RAB3C: variants seen among roughly 807,000 people sequenced by gnomAD.
RAB3C encodes ras-related protein Rab-3C.
In RAB3C, 17 loss-of-function variants were observed where a neutral mutation model predicts 26.4. That is an observed-to-expected ratio of 0.64 (90% confidence interval 0.44 to 0.97). RAB3C has a LOEUF of 0.97. Among genes scored for constraint, RAB3C ranks in the 50% least tolerant of loss-of-function variants. The pLI is 0.00. For missense variants in RAB3C, 242 were observed against 281.9 expected (o/e 0.86, Z 1.01); for synonymous variants, 91 against 95.9 (o/e 0.95, Z 0.30).
Position 58,583,125 on chromosome 5 carries a change from G to T in RAB3C, c.-84G>T. ...GAACCCCAAGAGTGCAGAGTGTGGA[G>T]CGTGGAGCGCCGGGACTGTGCACGC... On this transcript the variant is annotated 5_prime_UTR_variant, in exon 1 of 5. Transcript: ENST00000282878. 6.2e-7 allele frequency: 1 copy of T among 1,607,304 alleles called. No homozygotes were observed. Among genetic ancestry groups the T allele is most frequent in the South Asian group, 1.1e-5 (1 of 90,236 alleles).
Position 58,656,408 on chromosome 5 carries a change from G to A in RAB3C, c.252+38538G>A, listed in dbSNP as rs138553949. On this transcript the variant is annotated intron_variant, in intron 2 of 4. Transcript: ENST00000282878. ...ACAAAAAATAAGTATGTGAGGTGAT[G>A]GATATGTTAATTATCTTGAATTAAC... is the stretch of plus-strand genomic sequence containing the variant. Among the ~76,000 whole-genome samples the A allele has an allele frequency of 7.6e-3, 1,156 of 152,170 alleles. 3 individuals carry two copies. The highest frequency in any genetic ancestry group is 0.012 in the Non-Finnish European group (787 of 68,004).
intron 2 of RAB3C, among the ~76,000 whole-genome samples, chr5:58,633,526 C>T (rs1468605822): frequency 6.6e-6 from 1 of 152,064 alleles, no homozygotes; most frequent in Non-Finnish European, 1.5e-5. Flanking sequence ...ACATTCTCTC[C>T]AGGTAGAGAA....
chr5:58,754,607 C>T (rs938367894), intron 3 of RAB3C, among the ~76,000 whole-genome samples: 3 of 152,132 alleles, frequency 2.0e-5, no homozygotes, highest in South Asian at 4.1e-4. Flanking sequence ...ACCCAGTTAC[C>T]GCAGACCAAG....
chr5:58,690,833 T>C (rs1748556624), intron 2 of RAB3C, among the ~76,000 whole-genome samples: 1 of 152,188 alleles, frequency 6.6e-6, no homozygotes, highest in South Asian at 2.1e-4. Flanking sequence ...ATCATTAATA[T>C]TTCTTATTAC....
chr5:58,710,959 A>G (rs1356639438), intron 2 of RAB3C, among the ~76,000 whole-genome samples: 1 of 152,198 alleles, frequency 6.6e-6, no homozygotes, highest in Non-Finnish European at 1.5e-5. Flanking sequence ...ATCTGCTTTA[A>G]TCTTGGAACA....
intron 2 of RAB3C, among the ~76,000 whole-genome samples, chr5:58,646,349 C>T (rs1747518608): frequency 6.6e-6 from 1 of 151,960 alleles, no homozygotes; most frequent in Non-Finnish European, 1.5e-5. Context: ...GTGCCTGACA[C>T]ACTAAGCATT....
At chr5:58,604,627 A>T (rs1472778896) in intron 1 of RAB3C, among the ~76,000 whole-genome samples, 1 of 152,142 alleles carries the variant, frequency 6.6e-6, no homozygotes, top group Non-Finnish European at 1.5e-5. Flanking sequence ...TCCTGTGCAA[A>T]CTGAAGGGCT....
At chr5:58,699,791 C>T (rs1748802941) in intron 2 of RAB3C, among the ~76,000 whole-genome samples, 1 of 152,238 alleles carries the variant, frequency 6.6e-6, no homozygotes, top group African/African-American at 2.4e-5. Context: ...GAGAGAATCA[C>T]CTTGTCTGCC....
At chr5:58,721,090 G>A (rs1740742561) in intron 2 of RAB3C, among the ~76,000 whole-genome samples, 1 of 151,680 alleles carries the variant, frequency 6.6e-6, no homozygotes. Context: ...AAAGTTTTAA[G>A]CTACTACTTA....
chr5:58,642,709 A>G (rs1747434177), intron 2 of RAB3C, among the ~76,000 whole-genome samples: 1 of 152,220 alleles, frequency 6.6e-6, no homozygotes, highest in Admixed American at 6.5e-5. Flanking sequence ...TTAAAGTCAT[A>G]TATGTATTTC....
chr5:58,704,194 C>A (rs1748901248), intron 2 of RAB3C, among the ~76,000 whole-genome samples: 1 of 152,164 alleles, frequency 6.6e-6, no homozygotes, highest in Non-Finnish European at 1.5e-5. Context: ...TATTTACTTT[C>A]TAATGACAAA....
intron 2 of RAB3C, among the ~76,000 whole-genome samples, chr5:58,714,085 A>G (rs1246656372): frequency 6.6e-6 from 1 of 152,218 alleles, no homozygotes; most frequent in African/African-American, 2.4e-5. Flanking sequence ...GTAGCTTCAG[A>G]GTAATGATAG....
chr5:58,801,078 G>T (rs139162641), intron 3 of RAB3C, among the ~76,000 whole-genome samples: 1 of 152,152 alleles, frequency 6.6e-6, no homozygotes, highest in Non-Finnish European at 1.5e-5. Context: ...GAAATATTAC[G>T]CTCTTCATGA....
intron 3 of RAB3C, among the ~76,000 whole-genome samples, chr5:58,764,034 A>C (rs907115667): frequency 1.8e-4 from 28 of 152,168 alleles, no homozygotes; most frequent in Non-Finnish European, 3.8e-4. Flanking sequence ...TATTTTCTTT[A>C]AAAAATAGAA....
In RAB3C at chr5:58,856,973, T is replaced by A. The variant is rs1193623622; in HGVS notation, c.*5622T>A. On this transcript the variant is annotated 3_prime_UTR_variant, in exon 5 of 5. Transcript: ENST00000282878. ...ATGTGATACCGTTAGACTGTCCAAA[T>A]GTACAACAATTTAATGGTGTTTGTA... 2 of 152,206 alleles carry A rather than the reference T, an allele frequency of 1.3e-5. No homozygotes were observed. 9.4% of individuals were successfully genotyped at this position (152,206 alleles called of 1,614,324 possible).
intron 3 of RAB3C, among the ~76,000 whole-genome samples, chr5:58,726,804 C>T (rs746669046): frequency 3.9e-4 from 60 of 151,918 alleles, no homozygotes; most frequent in East Asian, 5.8e-4. Flanking sequence ...TGAGTGTTTA[C>T]GGTGGGGGGT....
chr5:58,721,884 G>A (rs1160811984), intron 2 of RAB3C, among the ~76,000 whole-genome samples: 1 of 151,640 alleles, frequency 6.6e-6, no homozygotes, highest in African/African-American at 2.4e-5. Context: ...TCAGAATGAT[G>A]TTGAAGATCC....
intron 3 of RAB3C, chr5:58,784,896 CCTTATGG>C (rs745965501): frequency 1.2e-4 from 18 of 152,330 alleles, no homozygotes; most frequent in Non-Finnish European, 5.9e-5. Context: ...AGCATTGTCT[CCTTATGG>C]CTTATCCATG....
Position 58,853,910 on chromosome 5 carries a change from T to G in RAB3C, c.*2559T>G, listed in dbSNP as rs1163126707. 1 of 152,026 alleles carries G rather than the reference T, an allele frequency of 6.6e-6. No homozygotes were observed. The highest frequency in any genetic ancestry group is 1.5e-5 in the Non-Finnish European group (1 of 67,998). The allele number at this position is 152,026 out of a possible 1,614,324, so 9.4% of individuals were successfully genotyped here. ...TGTAATTGCATCAAAAAATCCGGGT[T>G]TTAACATCAAATTTGGCAAATGGTG... On this transcript the variant is annotated 3_prime_UTR_variant, in exon 5 of 5. Transcript: ENST00000282878.
Sources: allele counts gnomAD v4.1 joint callset (sites outside exome capture counted in the v4.1 genomes callset), GRCh38; gene constraint gnomAD v4.1.1; transcripts MANE v1.5; gene names NCBI Gene and HGNC (gene_info 2026-07-23, HGNC 2026-07-21).